The following RP1 variants were observed in gnomAD, a reference collection of about 807,000 sequenced individuals.
The protein encoded by RP1 is oxygen-regulated protein 1.
In RP1, 16 loss-of-function variants were observed where a neutral mutation model predicts 14.8. That is an observed-to-expected ratio of 1.08 (90% confidence interval 0.73 to 1.65). The LOEUF (loss-of-function observed/expected upper bound fraction) is 1.65, where lower values mean the gene tolerates loss of function less well. Among genes scored for constraint, RP1 ranks in the 40% most tolerant of loss-of-function variants. The pLI, the probability that RP1 is intolerant of heterozygous loss-of-function variation, is 0.00. For synonymous variants in RP1, 876 were observed against 883.6 expected (o/e 0.99, Z 0.15); for missense variants, 2,631 against 2,535.0 (o/e 1.04, Z -0.81).
chr8:54,569,772 A>T (rs1804481618), intron 1 of RP1, among the ~76,000 whole-genome samples: 1 of 152,184 alleles, frequency 6.6e-6, no homozygotes, highest in African/African-American at 2.4e-5. Context: ...CCTTGTGGAG[A>T]TTACAGTCCA....
At chr8:54,597,408 A>G (rs997085772) in intron 1 of RP1, among the ~76,000 whole-genome samples, 1 of 152,198 alleles carries the variant, frequency 6.6e-6, no homozygotes, top group Admixed American at 6.5e-5. Context: ...TTAGATGAGT[A>G]CATAAATACA....
At chr8:54,676,613 C>T (rs1184795468) in intron 8 of RP1, among the ~76,000 whole-genome samples, 1 of 152,178 alleles carries the variant, frequency 6.6e-6, no homozygotes, top group African/African-American at 2.4e-5. Context: ...GACTCTTACC[C>T]GTCCCTAATC....
At chr8:54,666,261 G>A (rs375305075) in intron 7 of RP1, among the ~76,000 whole-genome samples, 2 of 152,056 alleles carry the variant, frequency 1.3e-5, no homozygotes, top group South Asian at 2.1e-4. Context: ...TCAACTCTGG[G>A]GCAACATCTA....
intron 1 of RP1, among the ~76,000 whole-genome samples, chr8:54,569,592 C>A (rs948919414): frequency 6.6e-6 from 1 of 152,162 alleles, no homozygotes; most frequent in Non-Finnish European, 1.5e-5. Context: ...TGTCTCTGCC[C>A]ACCATGTGCT....
chr8:54,855,793 G>A (rs1313441154), intron 26 of RP1, among the ~76,000 whole-genome samples: 1 of 152,098 alleles, frequency 6.6e-6, no homozygotes, highest in African/African-American at 2.4e-5. Context: ...ACAGTGAAGT[G>A]TTACTGTGCA....
chr8:54,621,676 A>AG, intron 2 of RP1, 95 bp downstream of exon 2: 1 of 1,570,150 alleles, frequency 6.4e-7, no homozygotes, highest in Non-Finnish European at 8.7e-7. Context: ...CCGGGAAGGA[A>AG]ATCTTCCTTC....
At chr8:54,575,140 G>T (rs1289693978) in intron 1 of RP1, among the ~76,000 whole-genome samples, 3 of 152,270 alleles carry the variant, frequency 2.0e-5, no homozygotes, top group Admixed American at 6.5e-5. Context: ...AATAATAGAT[G>T]ATTTGAAGCA....
At chr8:54,591,071 A>G (rs2129300897) in intron 1 of RP1, among the ~76,000 whole-genome samples, 1 of 152,246 alleles carries the variant, frequency 6.6e-6, no homozygotes, top group East Asian at 1.9e-4. Flanking sequence ...CTGGCTACAC[A>G]CCTCATGTAA....
chr8:54,606,922 G>A (rs1255603488), intron 1 of RP1, among the ~76,000 whole-genome samples: 1 of 151,212 alleles, frequency 6.6e-6, no homozygotes, highest in Non-Finnish European at 1.5e-5. Flanking sequence ...TCTCTGTATT[G>A]GTTATTCTAG....
At chr8:54,688,008 C>A (rs1807608671) in intron 12 of RP1, among the ~76,000 whole-genome samples, 1 of 152,172 alleles carries the variant, frequency 6.6e-6, no homozygotes, top group Non-Finnish European at 1.5e-5. Context: ...GCCATTCTAA[C>A]TGGTGTGAGA....
At chr8:54,668,704 G>C (rs1363710413) in intron 7 of RP1, among the ~76,000 whole-genome samples, 1 of 152,072 alleles carries the variant, frequency 6.6e-6, no homozygotes, top group Admixed American at 6.6e-5. Context: ...CAGAGCAGAG[G>C]CCTCAGAAAT....
At chr8:54,593,784 AGG>A (rs1388958266) in intron 1 of RP1, among the ~76,000 whole-genome samples, 1 of 152,230 alleles carries the variant, frequency 6.6e-6, no homozygotes, top group African/African-American at 2.4e-5. Flanking sequence ...TATCAGGCAC[AGG>A]GTCTGACTGG....
rs2129317895 is a variant in RP1, at chr8:54,628,801, A to G, written c.4919A>G (p.Asp1640Gly). ...ATAGAAAAACTGTACGGTAAAGCAG[A>G]TATTATCAAACCATCTTTTTTTCCT... ...RAIEKLYGKA[D>G]IIKPSFFPGS... Residue 1640 changes from aspartate (D) to glycine (G), a missense_variant, in exon 4 of 4, where the codon GAT (aspartate) becomes GGT (glycine). Physicochemically the swap from Asp to Gly is moderately conservative, Grantham distance 94. Coordinates refer to ENST00000220676, the MANE Select transcript of RP1 (RefSeq NM_006269.2). 1.2e-6 allele frequency: 2 copies of G among 1,614,150 alleles called. No homozygotes were observed. Among genetic ancestry groups the G allele is most frequent in the Non-Finnish European group, 8.5e-7 (1 of 1,180,006 alleles).
At chr8:54,841,555 A>G (rs1811790397) in intron 25 of RP1, among the ~76,000 whole-genome samples, 1 of 152,192 alleles carries the variant, frequency 6.6e-6, no homozygotes, top group Admixed American at 6.5e-5. Context: ...ATAAGTCATC[A>G]TTCTTTGGGG....
At chr8:54,753,644 A>G (rs1163224213) in intron 19 of RP1, among the ~76,000 whole-genome samples, 1 of 152,236 alleles carries the variant, frequency 6.6e-6, no homozygotes, top group Non-Finnish European at 1.5e-5. Flanking sequence ...AACATAGCAC[A>G]TGAGGGAGAA....
chr8:54,796,251 T>C (rs1810573949), intron 24 of RP1, among the ~76,000 whole-genome samples: 1 of 152,160 alleles, frequency 6.6e-6, no homozygotes, highest in Non-Finnish European at 1.5e-5. Context: ...TTGTGAGGAT[T>C]ATGTGGGTAT....
intron 12 of RP1, among the ~76,000 whole-genome samples, chr8:54,689,004 GTTC>G (rs1474423529): frequency 6.6e-6 from 1 of 152,130 alleles, no homozygotes; most frequent in Non-Finnish European, 1.5e-5. Flanking sequence ...GTGGTTTGTA[GTTC>G]TTCTTGAAGA....
chr8:54,768,520 A>C (rs1212708669), intron 22 of RP1, among the ~76,000 whole-genome samples: 2 of 152,222 alleles, frequency 1.3e-5, no homozygotes, highest in African/African-American at 4.8e-5. Flanking sequence ...GGATAGATGG[A>C]AGGATGGAAG....
rs112213238 is a variant in RP1, at chr8:54,747,182, C to T, written c.2809-7621C>T. On this transcript the variant is annotated intron_variant, in intron 19 of 22. Transcript: ENST00000636932. ...GGCTTCCAGCTTCTTTTTCACCCCC[C>T]TCAGTATCCAGATTTCAAAGAGAAG... Among the ~76,000 whole-genome samples, 289 of 152,268 alleles carry T rather than the reference C, an allele frequency of 1.9e-3. 4 individuals are homozygous for T. The highest frequency in any genetic ancestry group is 6.8e-3 in the Middle Eastern group (2 of 294).
Sources: gnomAD v4.1 joint callset for allele counts (sites outside exome capture counted in the v4.1 genomes callset) on GRCh38, gnomAD v4.1.1 for gene constraint, MANE v1.5 for transcripts, NCBI Gene and HGNC (gene_info 2026-07-23, HGNC 2026-07-21) for gene names.